The following IQCH variants were observed in gnomAD, a reference collection of about 807,000 sequenced individuals.
IQCH encodes the protein IQ motif containing H, also known as IQ domain-containing protein H.
In IQCH, 98 loss-of-function variants were observed where a neutral mutation model predicts 117.0. The observed-to-expected ratio is 0.84, with a 90% CI of 0.71 to 0.99. The LOEUF is 0.99. Ranked by LOEUF, IQCH falls within the 50% of genes least tolerant of loss-of-function variation. The pLI, the probability that IQCH is intolerant of heterozygous loss-of-function variation, is 0.00. For synonymous variants in IQCH, 412 were observed against 448.2 expected, an observed-to-expected ratio of 0.92 and a Z score of 1.02; for missense variants, 1,102 against 1,243.8, an observed-to-expected ratio of 0.89 and a Z score of 1.72.
intron 15 of IQCH, among the ~76,000 whole-genome samples, chr15:67,418,898 T>G (rs2140912954): frequency 6.6e-6 from 1 of 152,082 alleles, no homozygotes; most frequent in East Asian, 1.9e-4. Context: ...TTTTTTTTTT[T>G]TAAGTTATCG....
At chr15:67,293,950 G>A (rs1177828389) in intron 4 of IQCH, among the ~76,000 whole-genome samples, 1 of 152,196 alleles carries the variant, frequency 6.6e-6, no homozygotes, top group Non-Finnish European at 1.5e-5. Context: ...GAGATCGAAA[G>A]TTATTGGAGG....
chr15:67,353,771 C>G (rs1019682367), intron 6 of IQCH, among the ~76,000 whole-genome samples: 9 of 152,116 alleles, frequency 5.9e-5, no homozygotes, highest in African/African-American at 1.9e-4. Context: ...GGTCACTTAA[C>G]TATAGATACA....
Position 67,311,270 on chromosome 15 carries a change from TTTC to T in IQCH, c.388-25703_388-25701del, listed in dbSNP as rs543427798. On this transcript the variant is annotated intron_variant, in intron 4 of 20. Coordinates refer to ENST00000335894, the MANE Select transcript of IQCH (RefSeq NM_001031715.3). Reference sequence around the variant, plus strand: ...AGTCATTCTATTTTGAAACAAAAAATTTCTACTATTTTAAAGTTTCTGGATCAT... The same window carrying T: ...AGTCATTCTATTTTGAAACAAAAAATTACTATTTTAAAGTTTCTGGATCAT... 2.5e-3 allele frequency among the ~76,000 whole-genome samples: 377 copies of T among 152,156 alleles called. 1 individual carries two copies. The highest frequency in any genetic ancestry group is 3.5e-3 in the Admixed American group (54 of 15,270).
In IQCH at chr15:67,446,983, T is replaced by C. The variant is rs1038920123; in HGVS notation, c.2506-18144T>C. Among the ~76,000 whole-genome samples the C allele has an allele frequency of 9.2e-5, 14 of 152,332 alleles. 1 individual carries two copies. The highest frequency in any genetic ancestry group is 1.7e-4 in the African/African-American group (7 of 41,566). On this transcript the variant is annotated intron_variant, in intron 16 of 20. Transcript: ENST00000335894. ...AGCATCACAGTGCCCTCTCACATTC[T>C]GCCAAGCATTTGTTTCCCTCGCCAG...
chr15:67,261,321 C>T lies in IQCH; in HGVS notation c.101C>T (p.Pro34Leu). 6.3e-7 allele frequency: 1 copy of T among 1,582,678 alleles called. No homozygotes were observed. Among genetic ancestry groups the T allele is most frequent in the South Asian group, 1.2e-5 (1 of 85,984 alleles). The change falls in exon 2 of 21, where the codon CCT becomes CTT. Residue 34 changes from proline (P) to leucine (L), a missense_variant. Around this residue, in one of 2 missense-constraint regions of IQCH, gnomAD observed 452 missense variants for 449.6 expected, o/e 1.01. Coordinates refer to ENST00000335894, the MANE Select transcript of IQCH (RefSeq NM_001031715.3). ...AAGGAGAAATTAACAAAATTCTCAC[C>T]TGAGGAAAAAGGAGAGACTCTAGAC... ...QLKEKLTKFSPEEKGETLDIQ... is the reference protein window; with the variant it reads ...QLKEKLTKFSLEEKGETLDIQ...
chr15:67,275,927 T>C (rs35151633), intron 3 of IQCH, among the ~76,000 whole-genome samples: 31,883 of 152,192 alleles, frequency 0.21, 4,064 homozygotes, highest in East Asian at 0.47. Context: ...CTAAGAATTA[T>C]CTTAGGAACT....
intron 14 of IQCH, among the ~76,000 whole-genome samples, 193 bp downstream of exon 14, chr15:67,400,498 T>TTTTTTTTTTTTTTTTTTTC (rs1555481906): frequency 7.3e-6 from 1 of 137,300 alleles, no homozygotes. Flanking sequence ...TTTCTTTTTT[T>TTTTTTTTTTTTTTTTTTTC]TTTTGAGATG....
At chr15:67,450,931 T>C (rs1423356305) in intron 16 of IQCH, among the ~76,000 whole-genome samples, 1 of 152,270 alleles carries the variant, frequency 6.6e-6, no homozygotes, top group East Asian at 1.9e-4. Flanking sequence ...GAGATTCAGC[T>C]TCTTCCTGGT....
In IQCH at chr15:67,288,215, C is replaced by G. The variant is rs1966633463; in HGVS notation, c.387+8703C>G. The stretch of plus-strand genomic sequence containing the variant: ...TGTGCTGATCTGCACATAGAGCCTT[C>G]TGCAGCCATGGGATGAAATGTTCTG... On this transcript the variant is annotated intron_variant, in intron 4 of 20. Coordinates refer to ENST00000335894, the MANE Select transcript of IQCH (RefSeq NM_001031715.3). Among the ~76,000 whole-genome samples, 3 of 152,184 alleles carry G rather than the reference C, an allele frequency of 2.0e-5. No homozygotes were observed. In the South Asian group the frequency reaches 6.2e-4, roughly 32 times the overall value.
At chr15:67,371,605 A>G (rs1596274489) in intron 8 of IQCH, 2 of 893,832 alleles carry the variant, frequency 2.2e-6, no homozygotes, top group East Asian at 2.6e-5. Context: ...CAGAAGAACT[A>G]TAAAATGCTA....
At chr15:67,292,376 C>T (rs1055057018) in intron 4 of IQCH, among the ~76,000 whole-genome samples, 58 of 152,200 alleles carry the variant, frequency 3.8e-4, no homozygotes, top group African/African-American at 1.3e-3. Flanking sequence ...CTCAGCCTCC[C>T]GAGTAGCTGA....
In IQCH at chr15:67,376,901, G is replaced by A. The variant is rs1166143749; in HGVS notation, c.1372+3468G>A. 2.0e-5 allele frequency among the ~76,000 whole-genome samples: 3 copies of A among 152,024 alleles called. No homozygotes were observed. The highest frequency in any genetic ancestry group is 2.9e-5 in the Non-Finnish European group (2 of 67,980). On this transcript the variant is annotated intron_variant, in intron 10 of 20. Coordinates refer to ENST00000335894, the MANE Select transcript of IQCH (RefSeq NM_001031715.3). This position sits in a 1 kb window ranked among gnomAD's most constrained non-coding sequence, Gnocchi z 5.0. ...CAAGAGGCCAAGGTGGGCAGATCAC[G>A]AGGTCAAGAGATCGAGACCATCCTG...
intron 3 of IQCH, among the ~76,000 whole-genome samples, chr15:67,267,035 G>A (rs192493411): frequency 1.3e-5 from 2 of 152,260 alleles, no homozygotes; most frequent in East Asian, 3.9e-4. Context: ...ATTCTAATGC[G>A]CTGAGAGCAG....
At chr15:67,367,579 GA>G (rs965800677) in intron 8 of IQCH, among the ~76,000 whole-genome samples, 9 of 151,906 alleles carry the variant, frequency 5.9e-5, no homozygotes, top group African/African-American at 2.2e-4. Context: ...AAAAGAAAAA[GA>G]AAAAAACAGC....
chr15:67,337,438 G>A (rs1968946331), intron 5 of IQCH, among the ~76,000 whole-genome samples: 1 of 152,096 alleles, frequency 6.6e-6, no homozygotes, highest in Non-Finnish European at 1.5e-5. Flanking sequence ...TATTCTGGTA[G>A]CATTTTAAAA....
chr15:67,407,764 T>C lies in IQCH; in HGVS notation c.2097+7459T>C, dbSNP rs1254832447. The stretch of plus-strand genomic sequence containing the variant: ...TAATTACTAGGTAATCATTGTCTAC[T>C]GCAAGCGTGCTGTTTGTACCTTTTA... On this transcript the variant is annotated intron_variant, in intron 14 of 20. Transcript: ENST00000335894. The surrounding 1 kb of genome is among the most constrained non-coding windows in gnomAD (Gnocchi z 5.3). The C allele has an allele frequency of 1.3e-5, 2 of 152,236 alleles. No homozygotes were observed. Among genetic ancestry groups the C allele is most frequent in the Non-Finnish European group, 2.9e-5 (2 of 68,038 alleles). The allele number at this position is 152,236 out of a possible 1,614,324, so 9.4% of individuals were successfully genotyped here.
At chr15:67,438,901 T>C (rs915661072) in intron 16 of IQCH, among the ~76,000 whole-genome samples, 5 of 152,118 alleles carry the variant, frequency 3.3e-5, no homozygotes, top group African/African-American at 1.2e-4. Flanking sequence ...CTCCCAAATT[T>C]CTAAAACAAT....
chr15:67,301,480 C>T (rs1452039088), intron 4 of IQCH, among the ~76,000 whole-genome samples: 2 of 139,860 alleles, frequency 1.4e-5, no homozygotes, highest in African/African-American at 5.3e-5. Context: ...CATGATCTCA[C>T]CTCACTGCAA....
chr15:67,367,758 G>A (rs1970387161), intron 8 of IQCH, among the ~76,000 whole-genome samples: 1 of 152,074 alleles, frequency 6.6e-6, no homozygotes, highest in African/African-American at 2.4e-5. Flanking sequence ...GAAAACACCC[G>A]ATGGGAAGGA....
Sources: gnomAD v4.1 joint callset for allele counts (sites outside exome capture counted in the v4.1 genomes callset) on GRCh38, gnomAD v4.1.1 for gene constraint, gnomAD v4.1.1 regional missense constraint, Gnocchi (gnomAD v3.1) non-coding constraint, MANE v1.5 for transcripts, NCBI Gene and HGNC (gene_info 2026-07-23, HGNC 2026-07-21) for gene names.